ATL2: variants seen among roughly 807,000 people sequenced by gnomAD.
ATL2 encodes atlastin GTPase 2.
ATL2 carries 31 observed loss-of-function variants against 73.9 expected under a neutral mutation model. The ratio of observed to expected loss-of-function variants is 0.42; its 90% confidence interval spans 0.32 to 0.57. The LOEUF is 0.57. ATL2 is among the 20% of genes least tolerant of loss of function. ATL2 has a pLI of 0.14. For missense variants in ATL2, 738 were observed against 702.6 expected (o/e 1.05, Z -0.57); for synonymous variants, 291 against 237.5 (o/e 1.23, Z -2.07).
chr2:38,324,761 C>G (rs1668503825), intron 2 of ATL2, among the ~76,000 whole-genome samples: 1 of 152,174 alleles, frequency 6.6e-6, no homozygotes, highest in South Asian at 2.1e-4. Flanking sequence ...CTTGAAGACA[C>G]TATGCTAAAT....
At chr2:38,320,564 A>G (rs1289897842) in intron 2 of ATL2, among the ~76,000 whole-genome samples, 1 of 152,220 alleles carries the variant, frequency 6.6e-6, no homozygotes, top group Non-Finnish European at 1.5e-5. Context: ...TTAACATATA[A>G]GGTAATTTTT....
intron 2 of ATL2, among the ~76,000 whole-genome samples, chr2:38,319,747 A>G (rs2148438618): frequency 6.6e-6 from 1 of 152,350 alleles, no homozygotes; most frequent in Non-Finnish European, 1.5e-5. Context: ...GACTGTCAAA[A>G]CAGCACTGCT....
chr2:38,330,885 A>T (rs1200688183), intron 2 of ATL2, among the ~76,000 whole-genome samples: 1 of 152,242 alleles, frequency 6.6e-6, no homozygotes, highest in Non-Finnish European at 1.5e-5. Context: ...TCTAAAATTC[A>T]TATGGGATTG....
At chr2:38,313,033 C>G in intron 7 of ATL2, 118 bp downstream of exon 7, 1 of 642,380 alleles carries the variant, frequency 1.6e-6, no homozygotes, top group Non-Finnish European at 2.6e-6. Flanking sequence ...TTGGGCTAAC[C>G]TGGAATACTT....
At chr2:38,350,614 T>C (rs575048612) in intron 1 of ATL2, among the ~76,000 whole-genome samples, 3 of 152,318 alleles carry the variant, frequency 2.0e-5, no homozygotes, top group African/African-American at 4.8e-5. Context: ...CTTTGGATGA[T>C]AATGATGTGT....
intron 2 of ATL2, among the ~76,000 whole-genome samples, chr2:38,330,281 A>G (rs1668911571): frequency 6.6e-6 from 1 of 151,870 alleles, no homozygotes; most frequent in South Asian, 2.1e-4. Context: ...AAAAAAATCT[A>G]CAAAAAATCC....
intron 9 of ATL2, among the ~76,000 whole-genome samples, chr2:38,304,621 T>C (rs562189863): frequency 1.1e-3 from 169 of 152,298 alleles, no homozygotes; most frequent in African/African-American, 3.9e-3. Context: ...ATACTATCAA[T>C]AGAAACAACG....
chr2:38,358,534 CA>C, intron 1 of ATL2: 51 of 326,952 alleles, frequency 1.6e-4, no homozygotes, highest in Non-Finnish European at 2.2e-4. Context: ...ATTAAAAATA[CA>C]AAAAAAGTAA....
chr2:38,308,481 G>A (rs1004462136), intron 9 of ATL2, among the ~76,000 whole-genome samples: 4 of 152,110 alleles, frequency 2.6e-5, no homozygotes, highest in Admixed American at 2.0e-4. Flanking sequence ...GGGTGGAGGG[G>A]AGGCAGAGAT....
intron 2 of ATL2, among the ~76,000 whole-genome samples, chr2:38,337,830 A>T (rs989857364): frequency 6.6e-6 from 1 of 152,134 alleles, no homozygotes; most frequent in Non-Finnish European, 1.5e-5. Context: ...TTTTACAAAG[A>T]AAAAACAGGA....
chr2:38,345,704 C>T (rs941079596), intron 1 of ATL2, among the ~76,000 whole-genome samples: 4 of 152,118 alleles, frequency 2.6e-5, no homozygotes, highest in East Asian at 1.9e-4. Flanking sequence ...TCTAAATTAA[C>T]GTCTCATTAG....
intron 9 of ATL2, among the ~76,000 whole-genome samples, chr2:38,305,817 C>T (rs996094765): frequency 1.3e-5 from 2 of 151,856 alleles, no homozygotes; most frequent in African/African-American, 4.8e-5. Flanking sequence ...TAAGTGCCTA[C>T]ATCAAAAAAG....
At chr2:38,330,575 C>A (rs1295522571) in intron 2 of ATL2, among the ~76,000 whole-genome samples, 5 of 152,112 alleles carry the variant, frequency 3.3e-5, no homozygotes, top group Non-Finnish European at 5.9e-5. Flanking sequence ...GATACAAGAT[C>A]AATATGCAAG....
chr2:38,373,055 G>C (rs376190948), intron 1 of ATL2, among the ~76,000 whole-genome samples: 2 of 151,974 alleles, frequency 1.3e-5, no homozygotes, highest in African/African-American at 2.4e-5. Flanking sequence ...AAACTTTAAA[G>C]TACTACAAAA....
chr2:38,341,608 T>C (rs1669723858), intron 2 of ATL2, among the ~76,000 whole-genome samples: 1 of 152,174 alleles, frequency 6.6e-6, no homozygotes, highest in Non-Finnish European at 1.5e-5. Context: ...AAAGCCATGT[T>C]CACACCACCG....
At chr2:38,355,494 G>A (rs909885358) in intron 1 of ATL2, among the ~76,000 whole-genome samples, 2 of 152,036 alleles carry the variant, frequency 1.3e-5, no homozygotes, top group African/African-American at 4.8e-5. Context: ...AAGGGGAAAA[G>A]GTATACTATA....
rs55953657 is a variant in ATL2 at position 38,340,171 on chromosome 2, TGGGGGGGG to T, written c.363+3089_363+3096del. On this transcript the variant is annotated intron_variant, in intron 2 of 12. Transcript: ENST00000378954. ...AGTTCAGAACAGCAGTTAGTTTTGG[TGGGGGGGG>T]GGGGGGGGTAGACATTAACTGAGAA... Among the ~76,000 whole-genome samples the T allele has an allele frequency of 5.6e-3, 95 of 17,108 alleles. 10 individuals are homozygous for T. In the East Asian group the frequency reaches 0.12, roughly 21 times the overall value. 11.2% of individuals were successfully genotyped at this position (17,108 alleles called of 152,430 possible). A position where few individuals can be genotyped will look rare whatever the true frequency, so the allele number is the denominator to read the frequency against.
chr2:38,359,157 C>T (rs1239111940), intron 1 of ATL2, among the ~76,000 whole-genome samples: 3 of 152,130 alleles, frequency 2.0e-5, no homozygotes, highest in Non-Finnish European at 1.5e-5. Flanking sequence ...AAAGACCATC[C>T]TAAAATAGAC....
intron 2 of ATL2, among the ~76,000 whole-genome samples, chr2:38,320,921 G>C (rs1668284605): frequency 6.6e-6 from 1 of 151,202 alleles, no homozygotes; most frequent in African/African-American, 2.4e-5. Context: ...GAGGCAGGTG[G>C]ATCACTTGAG....
Sources: allele counts gnomAD v4.1 joint callset (sites outside exome capture counted in the v4.1 genomes callset), GRCh38; gene constraint gnomAD v4.1.1; transcripts MANE v1.5; gene names NCBI Gene and HGNC (gene_info 2026-07-23, HGNC 2026-07-21).